TMEM45A: variants seen among roughly 807,000 people sequenced by gnomAD.
TMEM45A encodes the protein transmembrane protein 45A.
Under a neutral mutation model 32.0 loss-of-function variants are expected in TMEM45A, and 25 were observed. That is an observed-to-expected ratio of 0.78 (90% CI 0.57 to 1.09). The LOEUF is 1.09. TMEM45A is among the 50% of genes least tolerant of loss of function. The probability of loss-of-function intolerance (pLI) is 0.00; values close to 1 mark genes in which losing one functional copy is unlikely to be tolerated. For missense variants in TMEM45A, 302 were observed against 325.0 expected (o/e 0.93, Z 0.54); for synonymous variants, 122 against 114.8 (o/e 1.06, Z -0.40).
chr3:100,512,361 C>T (rs11928476), intron 1 of TMEM45A, among the ~76,000 whole-genome samples: 1 of 151,550 alleles, frequency 6.6e-6, no homozygotes, highest in Admixed American at 6.6e-5. Context: ...GAACAACCTG[C>T]TCCTGAATGA....
chr3:100,546,663 C>T (rs1337295366), intron 1 of TMEM45A, among the ~76,000 whole-genome samples: 1 of 152,202 alleles, frequency 6.6e-6, no homozygotes, highest in Admixed American at 6.5e-5. Flanking sequence ...ACTGTTGGCT[C>T]TGTGCAAAGC....
intron 1 of TMEM45A, chr3:100,519,246 T>G: frequency 5.5e-6 from 2 of 364,828 alleles, no homozygotes; most frequent in South Asian, 5.5e-5. Context: ...TCTCCCAGCA[T>G]TGTTAGCTAC....
chr3:100,549,362 T>C (rs1706045334), intron 1 of TMEM45A, among the ~76,000 whole-genome samples: 1 of 152,266 alleles, frequency 6.6e-6, no homozygotes, highest in South Asian at 2.1e-4. Context: ...CGATCTATTA[T>C]GTTACTGCTG....
At chr3:100,519,032 A>G (rs1231895191) in intron 1 of TMEM45A, 3 of 156,280 alleles carry the variant, frequency 1.9e-5, no homozygotes, top group Non-Finnish European at 4.3e-5. Flanking sequence ...AGCATGTTCC[A>G]TGGGTTGACA....
At chr3:100,507,532 T>C (rs1053838490) in intron 1 of TMEM45A, among the ~76,000 whole-genome samples, 2 of 151,844 alleles carry the variant, frequency 1.3e-5, no homozygotes, top group East Asian at 3.9e-4. Flanking sequence ...AAGGAGGGGG[T>C]CTTAAAATCA....
At chr3:100,505,135 G>A (rs1165695175) in intron 1 of TMEM45A, among the ~76,000 whole-genome samples, 1 of 152,106 alleles carries the variant, frequency 6.6e-6, no homozygotes, top group Non-Finnish European at 1.5e-5. Flanking sequence ...GACTGAGGGG[G>A]AAACACAAAT....
At chr3:100,561,733 C>T (rs183336597) in intron 4 of TMEM45A, among the ~76,000 whole-genome samples, 87 of 152,268 alleles carry the variant, frequency 5.7e-4, no homozygotes, top group Admixed American at 1.0e-3. Context: ...TCATCCTCAC[C>T]GCCCAGGTGC....
chr3:100,547,615 T>C (rs1706005288), intron 1 of TMEM45A, among the ~76,000 whole-genome samples: 1 of 152,052 alleles, frequency 6.6e-6, no homozygotes, highest in Admixed American at 6.6e-5. Flanking sequence ...TGATCTTTCT[T>C]GCTGACTTGG....
chr3:100,573,082 G>A (rs1274721166), intron 5 of TMEM45A: 4 of 151,324 alleles, frequency 2.6e-5, no homozygotes, highest in South Asian at 2.1e-4. Flanking sequence ...TTGGCGATGC[G>A]GGCTCTTTTT....
intron 1 of TMEM45A, among the ~76,000 whole-genome samples, chr3:100,549,307 A>G (rs1706043748): frequency 6.6e-6 from 1 of 152,108 alleles, no homozygotes; most frequent in Admixed American, 6.5e-5. Context: ...ACAAACAAAA[A>G]CAACCAAAAC....
intron 3 of TMEM45A, 33 bp from the exon 4 acceptor site, chr3:100,558,372 A>G (rs1706264126): frequency 1.2e-6 from 2 of 1,610,698 alleles, no homozygotes; most frequent in Admixed American, 1.7e-5. Flanking sequence ...CCTTGGTTCC[A>G]CTGAAAAAGA....
In TMEM45A at chr3:100,556,682, C is replaced by A. The variant is rs1706226434; in HGVS notation, c.191-78C>A. On this transcript the variant is annotated intron_variant, in intron 2 of 5. Transcript: ENST00000323523. Reference sequence around the variant, plus strand: ...AAAGAGGACATTAGATTGGAATAAGCAATGGACTAGTCCTCCTGCATCTTC... The same window carrying A: ...AAAGAGGACATTAGATTGGAATAAGAAATGGACTAGTCCTCCTGCATCTTC... 3.8e-6 allele frequency: 5 copies of A among 1,305,160 alleles called. No individual in the cohort carries two copies. In the South Asian group the frequency reaches 6.3e-5, roughly 17 times the overall value. The allele number at this position is 1,305,160 out of a possible 1,614,324, so 80.8% of individuals were successfully genotyped here. A position where few individuals can be genotyped will look rare whatever the true frequency, so the allele number is the denominator to read the frequency against.
At chr3:100,510,448 C>T (rs1247865413) in intron 1 of TMEM45A, among the ~76,000 whole-genome samples, 1 of 152,024 alleles carries the variant, frequency 6.6e-6, no homozygotes, top group Non-Finnish European at 1.5e-5. Flanking sequence ...GAAAAGACAT[C>T]CACACCAAAA....
intron 2 of TMEM45A, 96 bp downstream of exon 2, chr3:100,555,497 G>T (rs1184094392): frequency 1.6e-6 from 2 of 1,270,504 alleles, no homozygotes; most frequent in East Asian, 4.7e-5. Flanking sequence ...TATATCAATT[G>T]TTCTGATCTC....
chr3:100,560,186 T>C (rs982641822), intron 4 of TMEM45A, among the ~76,000 whole-genome samples: 1 of 152,120 alleles, frequency 6.6e-6, no homozygotes, highest in African/African-American at 2.4e-5. Context: ...ATATTACAGG[T>C]CTGGATTTGT....
intron 1 of TMEM45A, among the ~76,000 whole-genome samples, chr3:100,547,892 T>C (rs1296138189): frequency 1.3e-5 from 2 of 152,208 alleles, no homozygotes; most frequent in African/African-American, 2.4e-5. Context: ...TCTTAGTTTT[T>C]GTTTTTGTGT....
chr3:100,494,764 C>A (rs2148920717), intron 1 of TMEM45A, among the ~76,000 whole-genome samples: 1 of 152,238 alleles, frequency 6.6e-6, no homozygotes, highest in African/African-American at 2.4e-5. Flanking sequence ...TGTAAAGAGC[C>A]AGCTGGCCTG....
At chr3:100,534,204 AG>A (rs1164189319) in intron 1 of TMEM45A, among the ~76,000 whole-genome samples, 7 of 152,126 alleles carry the variant, frequency 4.6e-5, no homozygotes, top group Non-Finnish European at 7.4e-5. Flanking sequence ...CATTCCTAAG[AG>A]GGTTGTGATA....
intron 1 of TMEM45A, among the ~76,000 whole-genome samples, chr3:100,511,038 G>A (rs1708151920): frequency 6.6e-6 from 1 of 152,176 alleles, no homozygotes; most frequent in African/African-American, 2.4e-5. Context: ...AACCAAGTTG[G>A]AAAACACTCT....
Sources: gnomAD v4.1 joint callset for allele counts (sites outside exome capture counted in the v4.1 genomes callset) on GRCh38, gnomAD v4.1.1 for gene constraint, MANE v1.5 for transcripts, NCBI Gene and HGNC (gene_info 2026-07-23, HGNC 2026-07-21) for gene names.